THSD4: variants seen among roughly 807,000 people sequenced by gnomAD.
THSD4 encodes thrombospondin type 1 domain containing 4, also known as thrombospondin type-1 domain-containing protein 4.
Under a neutral mutation model 119.0 loss-of-function variants are expected in THSD4, and 69 were observed. That is an observed-to-expected ratio of 0.58 (90% CI 0.48 to 0.71). THSD4 has a LOEUF of 0.71. Ranked by LOEUF, THSD4 falls within the 30% of genes least tolerant of loss-of-function variation. The probability of loss-of-function intolerance (pLI) is 0.00; values close to 1 mark genes in which losing one functional copy is unlikely to be tolerated. For missense variants in THSD4, 1,393 were observed against 1,391.1 expected (o/e 1.00, Z -0.02); for synonymous variants, 524 against 540.4 (o/e 0.97, Z 0.42).
chr15:71,302,049 T>A (rs191422824), intron 6 of THSD4, among the ~76,000 whole-genome samples: 19 of 152,282 alleles, frequency 1.2e-4, no homozygotes, highest in African/African-American at 4.1e-4. Flanking sequence ...TAGGGTTGGT[T>A]TATTTTGGGA....
chr15:71,243,731 A>G (rs1046644599), intron 5 of THSD4, among the ~76,000 whole-genome samples: 11 of 151,468 alleles, frequency 7.3e-5, no homozygotes, highest in Non-Finnish European at 1.5e-5. Flanking sequence ...ATGCATTTAC[A>G]TAATATCTAC....
At chr15:71,470,632 A>T (rs55637631) in intron 7 of THSD4, among the ~76,000 whole-genome samples, 14,806 of 145,988 alleles carry the variant, frequency 0.1, 934 homozygotes, top group South Asian at 0.18. Context: ...GGATTTTATT[A>T]TTTTTTTTTT....
intron 7 of THSD4, among the ~76,000 whole-genome samples, chr15:71,537,259 C>G (rs1355697525): frequency 6.6e-6 from 1 of 152,174 alleles, no homozygotes; most frequent in South Asian, 2.1e-4. Flanking sequence ...ATTCTTGCCT[C>G]CCTCTAATCC....
intron 7 of THSD4, among the ~76,000 whole-genome samples, chr15:71,470,881 C>T (rs974795768): frequency 6.6e-5 from 10 of 151,538 alleles, no homozygotes; most frequent in Admixed American, 1.3e-4. Context: ...ATGATCCACC[C>T]GCCTCGGCCT....
chr15:71,229,206 T>C (rs1374605139), intron 4 of THSD4, among the ~76,000 whole-genome samples: 1 of 152,256 alleles, frequency 6.6e-6, no homozygotes. Context: ...TCTTTTAGAC[T>C]CAGTTTCCTC....
chr15:71,747,767 A>G (rs367658737), intron 13 of THSD4, among the ~76,000 whole-genome samples: 17 of 152,264 alleles, frequency 1.1e-4, no homozygotes, highest in East Asian at 1.9e-4. Flanking sequence ...GTCCTCTTCA[A>G]TGTCCACAGG....
At chr15:71,364,603 C>T (rs777983460) in intron 6 of THSD4, among the ~76,000 whole-genome samples, 4 of 152,206 alleles carry the variant, frequency 2.6e-5, no homozygotes, top group African/African-American at 4.8e-5. Flanking sequence ...GCTTCATAGA[C>T]GAGGTGACCT....
At chr15:71,466,477 A>G (rs2047502107) in intron 7 of THSD4, among the ~76,000 whole-genome samples, 1 of 152,194 alleles carries the variant, frequency 6.6e-6, no homozygotes, top group African/African-American at 2.4e-5. Flanking sequence ...CAGAGAGGAC[A>G]TGCTCCAAGA....
chr15:71,614,968 C>A (rs1227582706), intron 7 of THSD4, among the ~76,000 whole-genome samples: 1 of 152,180 alleles, frequency 6.6e-6, no homozygotes, highest in African/African-American at 2.4e-5. Context: ...TTCTTAGAAG[C>A]CTGTGCATGA....
At chr15:71,224,275 C>T (rs1327911212) in intron 4 of THSD4, among the ~76,000 whole-genome samples, 3 of 152,142 alleles carry the variant, frequency 2.0e-5, no homozygotes, top group Non-Finnish European at 2.9e-5. Context: ...AGTCCACAGG[C>T]TCCTTTCCAG....
intron 7 of THSD4, among the ~76,000 whole-genome samples, chr15:71,421,592 A>T (rs2046808262): frequency 6.6e-6 from 1 of 151,924 alleles, no homozygotes; most frequent in Non-Finnish European, 1.5e-5. Context: ...TGCTTTTAGG[A>T]GCCTTTCTTT....
At chr15:71,566,303 A>G (rs1033917807) in intron 7 of THSD4, among the ~76,000 whole-genome samples, 2 of 152,136 alleles carry the variant, frequency 1.3e-5, no homozygotes, top group African/African-American at 4.8e-5. Context: ...TGAAATAGCT[A>G]TAAGTAAAAA....
At chr15:71,722,944 G>A (rs554423634) in intron 8 of THSD4, among the ~76,000 whole-genome samples, 1 of 152,232 alleles carries the variant, frequency 6.6e-6, no homozygotes, top group African/African-American at 2.4e-5. Context: ...AATGTATAAT[G>A]GAATTCTTTC....
chr15:71,491,696 T>A (rs1194424989), intron 7 of THSD4, among the ~76,000 whole-genome samples: 1 of 130,512 alleles, frequency 7.7e-6, no homozygotes, highest in Non-Finnish European at 1.7e-5. Context: ...ATAGGGAGAC[T>A]CCATCTGAAA....
chr15:71,555,428 A>T (rs372857697), intron 7 of THSD4, among the ~76,000 whole-genome samples: 1 of 152,238 alleles, frequency 6.6e-6, no homozygotes, highest in East Asian at 1.9e-4. Flanking sequence ...GTTTATGTGT[A>T]TACATATCAT....
chr15:71,125,789 A>G (rs2040449756), intron 1 of THSD4, among the ~76,000 whole-genome samples: 1 of 152,244 alleles, frequency 6.6e-6, no homozygotes. Context: ...GAAGACCACC[A>G]GCCCCGAAGG....
At chr15:71,388,661 A>AGTGTGT (rs748438115) in intron 6 of THSD4, among the ~76,000 whole-genome samples, 426 of 142,078 alleles carry the variant, frequency 3.0e-3, no homozygotes, top group Middle Eastern at 0.012. Flanking sequence ...TTCTTTGGAG[A>AGTGTGT]GAGTGTGTGT....
chr15:71,668,392 G>T (rs748658138), intron 8 of THSD4, among the ~76,000 whole-genome samples: 7 of 152,184 alleles, frequency 4.6e-5, no homozygotes, highest in Non-Finnish European at 1.5e-5. Flanking sequence ...TGCAGAGGGG[G>T]TCTGGGATGA....
At chr15:71,685,203 A>T (rs189922135) in intron 8 of THSD4, among the ~76,000 whole-genome samples, 14 of 119,202 alleles carry the variant, frequency 1.2e-4, no homozygotes, top group South Asian at 3.2e-4. Context: ...TCCTCTTTTT[A>T]AAAAAAAAAG....
Sources: gnomAD v4.1 joint callset for allele counts (sites outside exome capture counted in the v4.1 genomes callset) on GRCh38, gnomAD v4.1.1 for gene constraint, MANE v1.5 for transcripts, NCBI Gene and HGNC (gene_info 2026-07-23, HGNC 2026-07-21) for gene names.